The following PIEZO2 variants were observed in gnomAD, a reference collection of about 807,000 sequenced individuals.
PIEZO2 encodes piezo type mechanosensitive ion channel component 2.
In PIEZO2, 172 loss-of-function variants were observed where a neutral mutation model predicts 337.3. The observed-to-expected ratio is 0.51, with a 90% CI of 0.45 to 0.58. The LOEUF (loss-of-function observed/expected upper bound fraction) is 0.58, where lower values mean the gene tolerates loss of function less well. PIEZO2 is among the 20% of genes least tolerant of loss of function. The pLI is 0.00. For synonymous variants in PIEZO2, 1,251 were observed against 1,228.5 expected (o/e 1.02, Z -0.38); for missense variants, 3,028 against 3,391.3 (o/e 0.89, Z 2.66).
In PIEZO2 at chr18:10,948,527, G is replaced by A. The variant is rs2033140143; in HGVS notation, c.286+31008C>T. 3.3e-5 allele frequency among the ~76,000 whole-genome samples: 5 copies of A among 152,162 alleles called. No homozygotes were observed. In the South Asian group the frequency reaches 1.0e-3, roughly 32 times the overall value. ...TAAGATTGATGCATTTTGTTTTCTT[G>A]CTTCTTGATTAGAATGGGTGTTGAG... On this transcript the variant is annotated intron_variant, in intron 3 of 55. Coordinates refer to ENST00000674853, the MANE Select transcript of PIEZO2 (RefSeq NM_001378183.1).
intron 4 of PIEZO2, among the ~76,000 whole-genome samples, chr18:10,875,755 T>C (rs2042253400): frequency 6.6e-6 from 1 of 152,214 alleles, no homozygotes; most frequent in African/African-American, 2.4e-5. Context: ...GTGGATTGCA[T>C]TAAGCCCCAA....
At chr18:10,679,662 G>C (rs1009599638) in intron 52 of PIEZO2, among the ~76,000 whole-genome samples, 5 of 152,124 alleles carry the variant, frequency 3.3e-5, no homozygotes, top group Admixed American at 1.3e-4. Flanking sequence ...TCTCAGGTGG[G>C]CATAATTCAC....
chr18:10,700,937 A>G (rs1296130902), intron 43 of PIEZO2, among the ~76,000 whole-genome samples: 2 of 152,182 alleles, frequency 1.3e-5, no homozygotes, highest in Non-Finnish European at 2.9e-5. Flanking sequence ...GTACTTTGCA[A>G]AGTGATGGAA....
At chr18:10,951,193 C>T (rs912606495) in intron 3 of PIEZO2, among the ~76,000 whole-genome samples, 31 of 152,200 alleles carry the variant, frequency 2.0e-4, no homozygotes, top group African/African-American at 7.2e-4. Context: ...TCAGAGCTTT[C>T]CAGCTTTCCA....
At position 10,899,293 on chromosome 18, in the gene PIEZO2, T is replaced by C. The variant is rs553778640; in HGVS notation, c.329+11893A>G. Among the ~76,000 whole-genome samples the C allele has an allele frequency of 6.6e-6, 1 of 151,754 alleles. No homozygotes were observed. The highest frequency in any genetic ancestry group is 2.4e-5 in the African/African-American group (1 of 41,410). On this transcript the variant is annotated intron_variant, in intron 4 of 55. Coordinates refer to ENST00000674853, the MANE Select transcript of PIEZO2 (RefSeq NM_001378183.1). The surrounding 1 kb of genome is among the most constrained non-coding windows in gnomAD (Gnocchi z 4.6). ...TCTGTGTAAACTTAGGAAGGTGTGT[T>C]TGTGTGTGTGTGTGTAGAGGTATAT...
intron 3 of PIEZO2, among the ~76,000 whole-genome samples, chr18:10,916,952 AAGTTGT>A (rs558530697): frequency 1.4e-3 from 211 of 152,156 alleles, no homozygotes; most frequent in Non-Finnish European, 1.9e-3. Context: ...TTATTCCACA[AAGTTGT>A]AGTGTCTGAT....
In PIEZO2 at chr18:11,047,114, C is replaced by T. The variant is rs1598878535; in HGVS notation, c.160+19013G>A. Among the ~76,000 whole-genome samples, 1 of 152,328 alleles carries T rather than the reference C, an allele frequency of 6.6e-6. No individual in the cohort carries two copies. The highest frequency in any genetic ancestry group is 2.1e-4 in the South Asian group (1 of 4,824). On this transcript the variant is annotated intron_variant, in intron 2 of 55. Transcript: ENST00000674853. This position sits in a 1 kb window ranked among gnomAD's most constrained non-coding sequence, Gnocchi z 7.2. ...CCATGGGGGCATGTGCAGGGCATGG[C>T]CTGTCCAGGTACACTCAGGAGCCCC...
intron 2 of PIEZO2, among the ~76,000 whole-genome samples, chr18:11,025,748 A>G (rs1307067345): frequency 6.6e-6 from 1 of 152,182 alleles, no homozygotes; most frequent in Non-Finnish European, 1.5e-5. Flanking sequence ...CTCAGAGCCC[A>G]TGGTGACAAT....
At chr18:11,113,186 GT>G (rs941263119) in intron 1 of PIEZO2, among the ~76,000 whole-genome samples, 4 of 152,196 alleles carry the variant, frequency 2.6e-5, no homozygotes, top group Non-Finnish European at 5.9e-5. Context: ...AAACCCTTTT[GT>G]CTTCCAGGAA....
chr18:11,084,740 C>A (rs72874256), intron 1 of PIEZO2, among the ~76,000 whole-genome samples: 13,031 of 152,238 alleles, frequency 0.086, 592 homozygotes, highest in Middle Eastern at 0.14. Flanking sequence ...CACATTAGAA[C>A]TTCTCAGTTG....
chr18:10,725,039 T>C lies in PIEZO2; in HGVS notation c.5029+6368A>G, dbSNP rs8087541. 3.6e-3 allele frequency: 5,700 copies of C among 1,580,050 alleles called. 180 individuals carry two copies. The African/African-American group carries it at 0.067, about 18-fold the overall frequency. ...GCCAGCAAGAGCCCCTGCATGTTGG[T>C]GGCCCTGCGGCCAACCAACGTGGAC... On this transcript the variant is annotated intron_variant, in intron 36 of 55. Coordinates refer to ENST00000674853, the MANE Select transcript of PIEZO2 (RefSeq NM_001378183.1).
At position 11,132,568 on chromosome 18, in the gene PIEZO2, A is replaced by C. The variant is rs190367866; in HGVS notation, c.64+15957T>G. ...ATCAGAAGGTAGAAGTAGAAGTGGCACCACTCACAATCATCCCTAGTGATC... is the reference window on the plus strand; with the variant it reads ...ATCAGAAGGTAGAAGTAGAAGTGGCCCCACTCACAATCATCCCTAGTGATC... On this transcript the variant is annotated intron_variant, in intron 1 of 55. Coordinates refer to ENST00000674853, the MANE Select transcript of PIEZO2 (RefSeq NM_001378183.1). This position sits in a 1 kb window ranked among gnomAD's most constrained non-coding sequence, Gnocchi z 4.7. Among the ~76,000 whole-genome samples, 426 of 152,242 alleles carry C rather than the reference A, an allele frequency of 2.8e-3. 2 individuals are homozygous for C. The highest frequency in any genetic ancestry group is 2.5e-3 in the Non-Finnish European group (171 of 68,018).
rs1193067000 is a variant in PIEZO2 at position 10,988,379 on chromosome 18, A to G, written c.161-8719T>C. Among the ~76,000 whole-genome samples, 1 of 152,192 alleles carries G rather than the reference A, an allele frequency of 6.6e-6. No individual in the cohort carries two copies. The highest frequency in any genetic ancestry group is 2.4e-5 in the African/African-American group (1 of 41,450). ...TGTGACATTTCGTTTAGCAGCACAA[A>G]TGTATTAAGAAAGCCTCACACCTGT... On this transcript the variant is annotated intron_variant, in intron 2 of 55. Transcript: ENST00000674853. This position sits in a 1 kb window ranked among gnomAD's most constrained non-coding sequence, Gnocchi z 4.8.
chr18:10,898,420 CA>C (rs564582313), intron 4 of PIEZO2, among the ~76,000 whole-genome samples: 75 of 134,620 alleles, frequency 5.6e-4, no homozygotes, highest in Admixed American at 6.0e-4. Context: ...GACTCCGTCT[CA>C]AAAAAAAAAA....
At chr18:11,011,404 T>C (rs2035896244) in intron 2 of PIEZO2, among the ~76,000 whole-genome samples, 1 of 152,232 alleles carries the variant, frequency 6.6e-6, no homozygotes. Flanking sequence ...TTATCTCTTA[T>C]GTAAATTGAA....
intron 50 of PIEZO2, 40 bp from the exon 51 acceptor site, chr18:10,681,793 C>T (rs372273808): frequency 1.4e-6 from 2 of 1,477,962 alleles, no homozygotes; most frequent in Non-Finnish European, 1.9e-6. Context: ...TATTCCCCAG[C>T]TCTTCTCTGC....
In PIEZO2 at chr18:10,762,812, G is replaced by A. The variant is rs73389085; in HGVS notation, c.3123+110C>T. 9.4e-3 allele frequency: 12,801 copies of A among 1,365,256 alleles called. 584 individuals are homozygous for A. In the African/African-American group the frequency reaches 0.12, roughly 13 times the overall value. The allele number at this position is 1,365,256 out of a possible 1,614,324, so 84.6% of individuals were successfully genotyped here. ...AGAGCACGACCAGCCAGGGAGAGGT[G>A]ACTTACAAGCCAGGTCAGGCCAAAT... On this transcript the variant is annotated intron_variant, in intron 22 of 55. Transcript: ENST00000674853.
intron 47 of PIEZO2, among the ~76,000 whole-genome samples, chr18:10,692,342 G>A (rs1173036308): frequency 1.3e-5 from 2 of 152,220 alleles, no homozygotes; most frequent in Non-Finnish European, 2.9e-5. Context: ...CTTGGTAAGA[G>A]TTTGGTATAA....
intron 1 of PIEZO2, among the ~76,000 whole-genome samples, chr18:11,082,404 A>T (rs2865137): frequency 1.3e-5 from 2 of 149,944 alleles, no homozygotes; most frequent in Non-Finnish European, 3.0e-5. Flanking sequence ...TGCAAGCTCC[A>T]CCTCCCGGGT....
Sources: allele counts gnomAD v4.1 joint callset (sites outside exome capture counted in the v4.1 genomes callset), GRCh38; gene constraint gnomAD v4.1.1; non-coding constraint Gnocchi (gnomAD v3.1); transcripts MANE v1.5; gene names NCBI Gene and HGNC (gene_info 2026-07-23, HGNC 2026-07-21).